ST7L: variants seen among roughly 807,000 people sequenced by gnomAD.
ST7L encodes the protein suppression of tumorigenicity 7 like.
Under a neutral mutation model 72.5 loss-of-function variants are expected in ST7L, and 57 were observed. That is an observed-to-expected ratio of 0.79 (90% CI 0.64 to 0.98). The LOEUF (loss-of-function observed/expected upper bound fraction) is 0.98, where lower values mean the gene tolerates loss of function less well. ST7L is among the 50% of genes least tolerant of loss of function. The pLI, the probability that ST7L is intolerant of heterozygous loss-of-function variation, is 0.00. For synonymous variants in ST7L, 221 were observed against 240.9 expected (o/e 0.92, Z 0.77); for missense variants, 576 against 672.2 (o/e 0.86, Z 1.58).
chr1:112,526,712 C>G (rs1304130819), intron 14 of ST7L: 2 of 150,328 alleles, frequency 1.3e-5, no homozygotes, highest in Non-Finnish European at 2.9e-5. Context: ...TGCACTCCAG[C>G]CTGGGAGACA....
At chr1:112,617,812 T>C (rs1223676076) in intron 1 of ST7L, among the ~76,000 whole-genome samples, 1 of 152,076 alleles carries the variant, frequency 6.6e-6, no homozygotes, top group African/African-American at 2.4e-5. Flanking sequence ...AAATGTTGCA[T>C]ATGGTTAACG....
At chr1:112,536,647 A>G (rs893882880) in intron 14 of ST7L, among the ~76,000 whole-genome samples, 2 of 152,114 alleles carry the variant, frequency 1.3e-5, no homozygotes, top group Non-Finnish European at 2.9e-5. Context: ...CTGACCTTCT[A>G]TATCTTTGGA....
chr1:112,590,572 C>A (rs1665540757), intron 6 of ST7L, among the ~76,000 whole-genome samples: 1 of 152,152 alleles, frequency 6.6e-6, no homozygotes, highest in Non-Finnish European at 1.5e-5. Flanking sequence ...TCTAAATTTA[C>A]ATTATTCAGG....
upstream of ST7L, chr1:112,619,312 G>A: frequency 1.6e-6 from 1 of 612,642 alleles, no homozygotes; most frequent in Non-Finnish European, 2.9e-6. Context: ...GGCAGGGAAG[G>A]GGCGGACAGC....
intron 11 of ST7L, among the ~76,000 whole-genome samples, chr1:112,558,158 C>T (rs1003187956): frequency 4.6e-5 from 7 of 152,094 alleles, no homozygotes; most frequent in African/African-American, 1.7e-4. Flanking sequence ...TGGTTCCAAA[C>T]AATTTGATAT....
rs1004889935 is a variant in ST7L, at chr1:112,600,838, T to C, written c.462A>G (p.Val154=). 1 of 1,609,148 alleles carries C rather than the reference T, an allele frequency of 6.2e-7. No individual in the cohort carries two copies. Among genetic ancestry groups the C allele is most frequent in the East Asian group, 2.2e-5 (1 of 44,782 alleles). Residue 154 remains valine (V), a synonymous_variant, in exon 4 of 15, where the codon GTA becomes GTG. Transcript: ENST00000358039. The part of the protein sequence containing the change: ...TSRQNLSECK[V]WRNPLNLFRG... ...TGAAAAGATTTAGAGGGTTTCTCCA[T>C]ACCTTACATTCTGAAAAACAAGGGA...
chr1:112,528,705 T>C (rs532396415), intron 14 of ST7L: 1 of 152,300 alleles, frequency 6.6e-6, no homozygotes, highest in African/African-American at 2.4e-5. Flanking sequence ...TAATTTAAAA[T>C]AGAAAATACA....
rs1653290881 is a variant in ST7L at position 112,525,831 on chromosome 1, A to G, written c.*182T>C. On this transcript the variant is annotated 3_prime_UTR_variant, in exon 15 of 15. Transcript: ENST00000358039. ...TTCATCTACAGTTGTCCTTTTTGAC[A>G]GCTTCCAAGGGGGGTTTGCCTAGGA... is the stretch of plus-strand genomic sequence containing the variant. 1.4e-6 allele frequency: 1 copy of G among 723,396 alleles called. No homozygotes were observed. The highest frequency in any genetic ancestry group is 1.8e-5 in the African/African-American group (1 of 56,620). 44.8% of individuals were successfully genotyped at this position (723,396 alleles called of 1,614,324 possible).
chr1:112,611,752 A>G (rs1669088670), intron 2 of ST7L, among the ~76,000 whole-genome samples: 2 of 152,134 alleles, frequency 1.3e-5, no homozygotes, highest in Admixed American at 6.5e-5. Context: ...CTTGAGCCCA[A>G]GAATTCTAGA....
Position 112,534,200 on chromosome 1 carries a change from A to G in ST7L, c.1629+7751T>C, listed in dbSNP as rs538874840. Among the ~76,000 whole-genome samples the G allele has an allele frequency of 1.1e-4, 17 of 152,320 alleles. No homozygotes were observed. The South Asian group carries it at 3.3e-3, about 30-fold the overall frequency. On this transcript the variant is annotated intron_variant, in intron 14 of 14. Transcript: ENST00000358039. ...GAAAGTTTCTCTAGCAAGCCACTGGATATCACCACTCTGTCATTCTCTATT... is the reference window on the plus strand; with the variant it reads ...GAAAGTTTCTCTAGCAAGCCACTGGGTATCACCACTCTGTCATTCTCTATT...
chr1:112,598,657 G>T (rs943659488), intron 4 of ST7L, among the ~76,000 whole-genome samples: 3 of 150,972 alleles, frequency 2.0e-5, no homozygotes, highest in Non-Finnish European at 4.4e-5. Flanking sequence ...ACAAAATGAA[G>T]CCTGGAATGG....
intron 10 of ST7L, among the ~76,000 whole-genome samples, chr1:112,577,797 T>TA (rs1289457380): frequency 6.6e-6 from 1 of 152,260 alleles, no homozygotes; most frequent in Middle Eastern, 3.4e-3. Flanking sequence ...TATCAAAGCA[T>TA]AAAAATCTAA....
intron 2 of ST7L, among the ~76,000 whole-genome samples, chr1:112,612,880 G>A (rs957172024): frequency 6.6e-6 from 1 of 152,136 alleles, no homozygotes; most frequent in East Asian, 1.9e-4. Context: ...CACTTTGGGA[G>A]GCTGAGGTGG....
intron 2 of ST7L, among the ~76,000 whole-genome samples, chr1:112,616,454 G>T (rs1669884986): frequency 6.6e-6 from 1 of 152,002 alleles, no homozygotes; most frequent in East Asian, 1.9e-4. Flanking sequence ...CCATATAAAG[G>T]ATCTTTAGGC....
In ST7L at chr1:112,574,465, C is replaced by T. The variant is rs538090769; in HGVS notation, c.1245+2521G>A. On this transcript the variant is annotated intron_variant, in intron 11 of 14. Coordinates refer to ENST00000358039, the MANE Select transcript of ST7L (RefSeq NM_017744.5). ...ACAAGGTCAGGAGATCGAGACCATC[C>T]TGGCTAACACTGTGAAACCTCGTCT... Among the ~76,000 whole-genome samples, 46 of 151,806 alleles carry T rather than the reference C, an allele frequency of 3.0e-4. No individual in the cohort carries two copies. The East Asian group carries it at 5.3e-3, about 18-fold the overall frequency.
At chr1:112,555,473 G>A (rs1658954278) in intron 12 of ST7L, among the ~76,000 whole-genome samples, 1 of 152,072 alleles carries the variant, frequency 6.6e-6, no homozygotes, top group South Asian at 2.1e-4. Context: ...GCTGAGGCAG[G>A]AGAACGGCAT....
the ST7L span, chr1:112,518,351 G>A: frequency 6.6e-6 from 1 of 152,200 alleles, no homozygotes; most frequent in Non-Finnish European, 1.5e-5. Context: ...CAGGACTTGG[G>A]TGAAGTGGAG....
At chr1:112,587,273 T>C (rs1354324609) in intron 6 of ST7L, among the ~76,000 whole-genome samples, 1 of 152,236 alleles carries the variant, frequency 6.6e-6, no homozygotes, top group Non-Finnish European at 1.5e-5. Context: ...TTGAAAAGAC[T>C]ATTCTTTCCT....
chr1:112,560,155 G>A (rs1216658108), intron 11 of ST7L, among the ~76,000 whole-genome samples: 3 of 152,268 alleles, frequency 2.0e-5, no homozygotes, highest in African/African-American at 4.8e-5. Context: ...AGCACTTTGG[G>A]AGGCCGAGGC....
Sources: gnomAD v4.1 joint callset for allele counts (sites outside exome capture counted in the v4.1 genomes callset) on GRCh38, gnomAD v4.1.1 for gene constraint, MANE v1.5 for transcripts, NCBI Gene and HGNC (gene_info 2026-07-23, HGNC 2026-07-21) for gene names.